The following RNF144A variants were observed in gnomAD, a reference collection of about 807,000 sequenced individuals.
The protein encoded by RNF144A is E3 ubiquitin-protein ligase RNF144A.
RNF144A carries 11 observed loss-of-function variants against 38.7 expected under a neutral mutation model. The ratio of observed to expected loss-of-function variants is 0.28; its 90% CI spans 0.18 to 0.47. The LOEUF (loss-of-function observed/expected upper bound fraction) is 0.47, where lower values mean the gene tolerates loss of function less well. RNF144A is among the 20% of genes least tolerant of loss of function. The pLI is 0.99. For synonymous variants in RNF144A, 149 were observed against 143.9 expected (o/e 1.04, Z -0.25); for missense variants, 316 against 377.2 (o/e 0.84, Z 1.34).
downstream of RNF144A, chr2:7,068,426 G>A: frequency 2.5e-6 from 1 of 399,642 alleles, no homozygotes. Context: ...ATCAAGAGTG[G>A]GTTGAGCTTC....
rs538283409 is a variant in RNF144A, at chr2:7,021,263, A to G, written c.509+583A>G. 2.6e-5 allele frequency among the ~76,000 whole-genome samples: 4 copies of G among 152,232 alleles called. 1 individual carries two copies. The highest frequency in any genetic ancestry group is 4.4e-5 in the Non-Finnish European group (3 of 68,010). On this transcript the variant is annotated intron_variant, in intron 6 of 8. Transcript: ENST00000320892. ...GTCTTTTTCTCCTACAAAATCTACA[A>G]GGTCACGTGGTTCTGCTGGACACTT...
intron 8 of RNF144A, among the ~76,000 whole-genome samples, chr2:7,035,539 C>G (rs145393410): frequency 1.3e-5 from 2 of 152,310 alleles, no homozygotes; most frequent in African/African-American, 4.8e-5. Flanking sequence ...GAACTTCTTG[C>G]CCAAGTCAGG....
At position 6,944,010 on chromosome 2, in the gene RNF144A, G is replaced by A. The variant is rs563522512; in HGVS notation, c.-12+2863G>A. Among the ~76,000 whole-genome samples the A allele has an allele frequency of 7.2e-5, 11 of 152,244 alleles. No individual in the cohort carries two copies. The South Asian group carries it at 1.9e-3, about 26-fold the overall frequency. On this transcript the variant is annotated intron_variant, in intron 2 of 8. Transcript: ENST00000320892. This position sits in a 1 kb window ranked among gnomAD's most constrained non-coding sequence, Gnocchi z 4.7. ...GAGTTGAAGTGTGCAGGAGGTCAAG[G>A]ATTGAGTGATCTTTTGGCCAAGCTG...
intron 1 of RNF144A, among the ~76,000 whole-genome samples, chr2:6,939,240 A>G (rs1665809631): frequency 6.6e-6 from 1 of 152,150 alleles, no homozygotes; most frequent in Non-Finnish European, 1.5e-5. Flanking sequence ...ATTCTTGTCT[A>G]CACTTGTTAT....
At chr2:7,006,005 G>C (rs1052324773) in intron 3 of RNF144A, among the ~76,000 whole-genome samples, 2 of 151,024 alleles carry the variant, frequency 1.3e-5, no homozygotes, top group African/African-American at 4.9e-5. Context: ...CACATTCAAA[G>C]TGTTTTTCTC....
rs36100558 is a variant in RNF144A, at chr2:6,938,250, C to CT, written c.-211-2683dup. 4.8e-3 allele frequency among the ~76,000 whole-genome samples: 552 copies of CT among 114,486 alleles called. 4 individuals are homozygous for CT. Among genetic ancestry groups the CT allele is most frequent in the African/African-American group, 0.012 (385 of 31,660 alleles). 75.1% of individuals were successfully genotyped at this position (114,486 alleles called of 152,430 possible). A position where few individuals can be genotyped will look rare whatever the true frequency, so the allele number is the denominator to read the frequency against. On this transcript the variant is annotated intron_variant, in intron 1 of 8. Transcript: ENST00000320892. ...CCCCTCCCCCTCTCCCCTCCCCTCC[C>CT]TTTTTTTTTTTTTTTGGATGGAGTT...
intron 3 of RNF144A, among the ~76,000 whole-genome samples, chr2:7,000,549 G>T (rs1670032342): frequency 1.3e-5 from 2 of 152,172 alleles, no homozygotes; most frequent in Non-Finnish European, 2.9e-5. Context: ...TCTTATACTT[G>T]TGGCATTTGA....
At chr2:7,054,123 G>A (rs1272116647) in intron 6 of RNF144A, among the ~76,000 whole-genome samples, 6 of 152,320 alleles carry the variant, frequency 3.9e-5, no homozygotes, top group South Asian at 2.1e-4. Flanking sequence ...AGCCAGCTGC[G>A]CAGTTGCTTG....
At chr2:7,065,006 A>G (rs1298773702) in intron 6 of RNF144A, among the ~76,000 whole-genome samples, 4 of 152,178 alleles carry the variant, frequency 2.6e-5, no homozygotes, top group Non-Finnish European at 5.9e-5. Context: ...GTGACAATCT[A>G]CATTCTGAGA....
chr2:7,041,445 T>C lies in RNF144A; in HGVS notation c.*1685T>C, dbSNP rs960284017. Reference sequence around the variant, plus strand: ...AAAATCCCTGTGTGTCAAAATTACATTCAAAAAGCTCTCCTTGTAATTGCA... The same window carrying C: ...AAAATCCCTGTGTGTCAAAATTACACTCAAAAAGCTCTCCTTGTAATTGCA... On this transcript the variant is annotated 3_prime_UTR_variant, in exon 9 of 9. Coordinates refer to ENST00000320892, the MANE Select transcript of RNF144A (RefSeq NM_014746.6). 9 of 985,768 alleles carry C rather than the reference T, an allele frequency of 9.1e-6. No homozygotes were observed. In the African/African-American group the frequency reaches 1.2e-4, roughly 13 times the overall value. The allele number at this position is 985,768 out of a possible 1,614,324, so 61.1% of individuals were successfully genotyped here. A position where few individuals can be genotyped will look rare whatever the true frequency, so the allele number is the denominator to read the frequency against.
chr2:6,975,699 G>T (rs1470586978), intron 2 of RNF144A, among the ~76,000 whole-genome samples: 1 of 152,130 alleles, frequency 6.6e-6, no homozygotes, highest in East Asian at 1.9e-4. Context: ...TGTGGCACAG[G>T]CCTGTGGTCC....
In RNF144A at chr2:7,039,818, C is replaced by G; in HGVS notation, c.*58C>G. The G allele has an allele frequency of 6.3e-7, 1 of 1,594,262 alleles. No homozygotes were observed. Among genetic ancestry groups the G allele is most frequent in the South Asian group, 1.1e-5 (1 of 89,052 alleles). On this transcript the variant is annotated 3_prime_UTR_variant, in exon 9 of 9. Transcript: ENST00000320892. ...CCGGGAAGTGTGGCTCTCCCCCAAC[C>G]CTCCCCACCGTCCCCCCTTCACTAA... is the stretch of plus-strand genomic sequence containing the variant.
rs1225513254 is a variant in RNF144A at position 6,997,076 on chromosome 2, A to T, written c.135+15A>T. On this transcript the variant is annotated intron_variant, in intron 3 of 8. Coordinates refer to ENST00000320892, the MANE Select transcript of RNF144A (RefSeq NM_014746.6). ...TCTGTACTCTGGTTGGTCTTTTTGGATAAAATATATGTTACAGTGATTTTA... is the reference window on the plus strand; with the variant it reads ...TCTGTACTCTGGTTGGTCTTTTTGGTTAAAATATATGTTACAGTGATTTTA... The T allele has an allele frequency of 6.2e-7, 1 of 1,613,512 alleles. No individual in the cohort carries two copies. Among genetic ancestry groups the T allele is most frequent in the East Asian group, 2.2e-5 (1 of 44,878 alleles).
chr2:6,957,412 G>A (rs1667075971), intron 2 of RNF144A, among the ~76,000 whole-genome samples: 1 of 152,240 alleles, frequency 6.6e-6, no homozygotes. Flanking sequence ...GTGCAAAAGT[G>A]TGTGCAAAGT....
chr2:7,044,066 T>A lies in RNF144A; in HGVS notation c.*4306T>A. 6.1e-6 allele frequency: 6 copies of A among 985,850 alleles called. No homozygotes were observed. The highest frequency in any genetic ancestry group is 7.2e-6 in the Non-Finnish European group (6 of 829,900). The allele number at this position is 985,850 out of a possible 1,614,324, so 61.1% of individuals were successfully genotyped here. On this transcript the variant is annotated 3_prime_UTR_variant, in exon 9 of 9. Transcript: ENST00000320892. ...TGGAATCATATGGAAAAAGTTTGATTTGTAATTTCAATACATATTTTAAAT... is the reference window on the plus strand; with the variant it reads ...TGGAATCATATGGAAAAAGTTTGATATGTAATTTCAATACATATTTTAAAT...
At chr2:6,937,728 G>T (rs1355428926) in intron 1 of RNF144A, among the ~76,000 whole-genome samples, 1 of 152,206 alleles carries the variant, frequency 6.6e-6, no homozygotes, top group African/African-American at 2.4e-5. Context: ...GGAGAGGCTT[G>T]CTCTGTGCAC....
Position 7,043,527 on chromosome 2 carries a change from A to T in RNF144A, c.*3767A>T. On this transcript the variant is annotated 3_prime_UTR_variant, in exon 9 of 9. Coordinates refer to ENST00000320892, the MANE Select transcript of RNF144A (RefSeq NM_014746.6). ...CATTTTGCATGTGTAAAGCTTCATG[A>T]AGTTCTCTTTAAAAAATACCAAAGC... 3 of 985,654 alleles carry T rather than the reference A, an allele frequency of 3.0e-6. No homozygotes were observed. Among genetic ancestry groups the T allele is most frequent in the Non-Finnish European group, 3.6e-6 (3 of 829,768 alleles). 61.1% of individuals were successfully genotyped at this position (985,654 alleles called of 1,614,324 possible).
intron 2 of RNF144A, among the ~76,000 whole-genome samples, chr2:6,984,852 T>C (rs1475958221): frequency 6.6e-6 from 1 of 152,178 alleles, no homozygotes. Context: ...TTTCCTTTCT[T>C]TGTTATTTTA....
chr2:7,027,946 C>T (rs1009849931), intron 7 of RNF144A, among the ~76,000 whole-genome samples: 5 of 137,952 alleles, frequency 3.6e-5, no homozygotes, highest in African/African-American at 5.6e-5. Flanking sequence ...CACTCCGCTC[C>T]GTTGGACCCC....
Sources: allele counts gnomAD v4.1 joint callset (sites outside exome capture counted in the v4.1 genomes callset), GRCh38; gene constraint gnomAD v4.1.1; non-coding constraint Gnocchi (gnomAD v3.1); transcripts MANE v1.5; gene names NCBI Gene and HGNC (gene_info 2026-07-23, HGNC 2026-07-21).